RHNO1: variants seen among roughly 807,000 people sequenced by gnomAD.
RHNO1 encodes the protein RAD9, HUS1, RAD1-interacting nuclear orphan protein 1.
RHNO1 carries 9 observed loss-of-function variants against 7.2 expected under a neutral mutation model. The observed-to-expected ratio is 1.25, with a 90% CI of 0.75 to 2.18. RHNO1 has a LOEUF of 2.18. Ranked by LOEUF, RHNO1 falls within the 30% of genes most tolerant of loss-of-function variation. RHNO1 has a pLI of 0.00. For synonymous variants in RHNO1, 95 were observed against 107.5 expected (o/e 0.88, Z 0.72); for missense variants, 292 against 284.5 (o/e 1.03, Z -0.19).
rs1565491424 is a variant in RHNO1, at chr12:2,888,313, A to G, written c.571A>G (p.Ser191Gly). 6.2e-7 allele frequency: 1 copy of G among 1,614,162 alleles called. No individual in the cohort carries two copies. ...CACTCTTCACACTGGCACTCCTAATAGCCCAGAGCCTGGACCTGTTCTGGT... is the reference window on the plus strand; with the variant it reads ...CACTCTTCACACTGGCACTCCTAATGGCCCAGAGCCTGGACCTGTTCTGGT... The part of the protein sequence containing the change: ...SCTLHTGTPN[S>G]PEPGPVLVKD... The change falls in exon 3 of 3, where the codon AGC becomes GGC. Residue 191 changes from serine to glycine, a missense_variant. Coordinates refer to ENST00000489288, the MANE Select transcript of RHNO1 (RefSeq NM_001252499.3).
Position 2,889,314 on chromosome 12 carries a change from T to C in RHNO1, c.*855T>C, listed in dbSNP as rs2098169452. The stretch of plus-strand genomic sequence containing the variant: ...TCTTTAGGATTGCGTGTGTTTTGAG[T>C]TTTTGTTTCTAACTGAAGAAATCTG... On this transcript the variant is annotated 3_prime_UTR_variant, in exon 3 of 3. Coordinates refer to ENST00000489288, the MANE Select transcript of RHNO1 (RefSeq NM_001252499.3). The C allele has an allele frequency of 1.3e-5, 2 of 152,146 alleles. No homozygotes were observed. Among genetic ancestry groups the C allele is most frequent in the Admixed American group, 6.6e-5 (1 of 15,260 alleles). The allele number at this position is 152,146 out of a possible 1,614,324, so 9.4% of individuals were successfully genotyped here. A position where few individuals can be genotyped will look rare whatever the true frequency, so the allele number is the denominator to read the frequency against.
chr12:2,885,328 G>A lies in RHNO1; in HGVS notation c.-39G>A. ...CTATCCCCCAACCCGAAGGCTAACA[G>A]CATCATGTGGTTACTAACTGTTCCT... On this transcript the variant is annotated 5_prime_UTR_variant, in exon 2 of 3. Coordinates refer to ENST00000489288, the MANE Select transcript of RHNO1 (RefSeq NM_001252499.3). 2 of 1,584,620 alleles carry A rather than the reference G, an allele frequency of 1.3e-6. No homozygotes were observed. The highest frequency in any genetic ancestry group is 1.7e-6 in the Non-Finnish European group (2 of 1,163,586).
At chr12:2,878,518 A>G (rs1307301238) in intron 1 of RHNO1, among the ~76,000 whole-genome samples, 1 of 152,044 alleles carries the variant, frequency 6.6e-6, no homozygotes, top group Non-Finnish European at 1.5e-5. Flanking sequence ...GTGCTTATCC[A>G]AGAATTAAAG....
intron 1 of RHNO1, among the ~76,000 whole-genome samples, chr12:2,877,612 CG>C (rs144998829): frequency 0.019 from 2,868 of 152,262 alleles, 88 homozygotes; most frequent in African/African-American, 0.065. Context: ...TTGAGGGCTG[CG>C]TATTATCTCC....
Position 2,888,421 on chromosome 12 carries a change from G to C in RHNO1, c.679G>C (p.Gly227Arg). Reference sequence around the variant, plus strand: ...CCTGCTTGCTTACCTCAGGGAGAGAGGGAAGCTGAGCAGAAGCCAATTCCT... The same window carrying C: ...CCTGCTTGCTTACCTCAGGGAGAGACGGAAGCTGAGCAGAAGCCAATTCCT... The part of the protein sequence containing the change: ...QHLLAYLRER[G>R]KLSRSQFLVK... Residue 227 changes from glycine (G) to arginine (R), a missense_variant, in exon 3 of 3, where the codon GGG (glycine) becomes CGG (arginine). Coordinates refer to ENST00000489288, the MANE Select transcript of RHNO1 (RefSeq NM_001252499.3). 6.2e-7 allele frequency: 1 copy of C among 1,602,946 alleles called. No homozygotes were observed. The highest frequency in any genetic ancestry group is 8.5e-7 in the Non-Finnish European group (1 of 1,175,662).
At position 2,888,406 on chromosome 12, in the gene RHNO1, T is replaced by C. The variant is rs1452440517; in HGVS notation, c.664T>C (p.Tyr222His). Residue 222 changes from tyrosine to histidine, a missense_variant, in exon 3 of 3, where the codon TAC (tyrosine) becomes CAC (histidine). Coordinates refer to ENST00000489288, the MANE Select transcript of RHNO1 (RefSeq NM_001252499.3). ...GAGGAGACGACAGCACCTGCTTGCTTACCTCAGGGAGAGAGGGAAGCTGAG... is the reference window on the plus strand; with the variant it reads ...GAGGAGACGACAGCACCTGCTTGCTCACCTCAGGGAGAGAGGGAAGCTGAG... ...TWRRRQHLLA[Y>H]LRERGKLSRS... The C allele has an allele frequency of 1.9e-6, 3 of 1,611,088 alleles. No homozygotes were observed. The highest frequency in any genetic ancestry group is 1.1e-5 in the South Asian group (1 of 90,778).
intron 1 of RHNO1, among the ~76,000 whole-genome samples, chr12:2,884,687 C>T (rs1479738640): frequency 2.6e-5 from 4 of 151,490 alleles, no homozygotes; most frequent in Non-Finnish European, 4.4e-5. Context: ...TTTTTTTAAC[C>T]TCAGCCTGAC....
At chr12:2,883,078 A>AAAAACAAAAAC (rs1565487870) in intron 1 of RHNO1, among the ~76,000 whole-genome samples, 2 of 150,336 alleles carry the variant, frequency 1.3e-5, no homozygotes, top group African/African-American at 5.0e-5. Context: ...AAAAAAAAAA[A>AAAAACAAAAAC]AAAAAAACAC....
chr12:2,884,976 C>T (rs544330894), intron 1 of RHNO1, among the ~76,000 whole-genome samples: 2 of 152,304 alleles, frequency 1.3e-5, no homozygotes, highest in East Asian at 1.9e-4. Flanking sequence ...GCTAGACTTT[C>T]AGCTCCTCGA....
At chr12:2,885,049 T>C in intron 1 of RHNO1, 1 of 274,322 alleles carries the variant, frequency 3.6e-6, no homozygotes, top group Non-Finnish European at 6.8e-6. Context: ...GTTGAATAAA[T>C]GGTTATTCAT....
Position 2,889,502 on chromosome 12 carries a change from T to G in RHNO1, c.*1043T>G, listed in dbSNP as rs2098169658. ...TTTACTCAGACAAGTAGCATCTCAT[T>G]AAACCCATTCATTTAGCATTCATTC... On this transcript the variant is annotated 3_prime_UTR_variant, in exon 3 of 3. Transcript: ENST00000489288. 1 of 152,168 alleles carries G rather than the reference T, an allele frequency of 6.6e-6. No individual in the cohort carries two copies. Among genetic ancestry groups the G allele is most frequent in the Non-Finnish European group, 1.5e-5 (1 of 68,042 alleles). 9.4% of individuals were successfully genotyped at this position (152,168 alleles called of 1,614,324 possible).
chr12:2,888,303 C>T lies in RHNO1; in HGVS notation c.561C>T (p.Gly187=), dbSNP rs781494311. The T allele has an allele frequency of 1.9e-6, 3 of 1,614,106 alleles. No homozygotes were observed. The highest frequency in any genetic ancestry group is 2.2e-5 in the South Asian group (2 of 91,074). ...TTCTAAGCTGCACTCTTCACACTGG[C>T]ACTCCTAATAGCCCAGAGCCTGGAC... ...NSLLSCTLHT[G]TPNSPEPGPV... The change falls in exon 3 of 3, where the codon GGC becomes GGT. Residue 187 remains glycine, a synonymous_variant. Coordinates refer to ENST00000489288, the MANE Select transcript of RHNO1 (RefSeq NM_001252499.3).
chr12:2,888,102 A>T lies in RHNO1; in HGVS notation c.360A>T (p.Glu120Asp). 6.2e-7 allele frequency: 1 copy of T among 1,614,022 alleles called. No individual in the cohort carries two copies. Among genetic ancestry groups the T allele is most frequent in the Non-Finnish European group, 8.5e-7 (1 of 1,179,968 alleles). ...PLIRECPSES[E>D]KDVSRRPLVP... ...TCCGAGAGTGCCCCAGTGAATCAGAAAAGGATGTTTCCAGAAGACCCTTAG... is the reference window on the plus strand; with the variant it reads ...TCCGAGAGTGCCCCAGTGAATCAGATAAGGATGTTTCCAGAAGACCCTTAG... Residue 120 changes from glutamate (E) to aspartate (D), a missense_variant, in exon 3 of 3, where the codon GAA becomes GAT. Transcript: ENST00000489288.
At chr12:2,886,493 A>C in intron 2 of RHNO1, among the ~76,000 whole-genome samples, 1 of 151,986 alleles carries the variant, frequency 6.6e-6, no homozygotes, top group Non-Finnish European at 1.5e-5. Context: ...TTTACTAAAA[A>C]TATTAATAGA....
intron 2 of RHNO1, chr12:2,885,806 A>C (rs1044225219): frequency 3.8e-6 from 1 of 260,322 alleles, no homozygotes; most frequent in Non-Finnish European, 7.4e-6. Flanking sequence ...CTATCTCCTG[A>C]CCTCGTGATC....
chr12:2,880,651 T>C (rs1022733729), intron 1 of RHNO1, among the ~76,000 whole-genome samples: 9 of 151,998 alleles, frequency 5.9e-5, no homozygotes, highest in Non-Finnish European at 1.3e-4. Context: ...ATTTATTTAT[T>C]TTGAGATAGG....
Position 2,885,464 on chromosome 12 carries a change from C to T in RHNO1, c.98C>T (p.Thr33Ile), listed in dbSNP as rs766990128. The T allele has an allele frequency of 6.2e-7, 1 of 1,613,762 alleles. No homozygotes were observed. The highest frequency in any genetic ancestry group is 1.3e-5 in the African/African-American group (1 of 74,954). ...GGCCCCAAACACAGCTGTGCATCTA[C>T]ACAGCTTCCCATCACTCACACTCGA... Reference protein sequence around the residue: ...LEGPKHSCASTQLPITHTRQV... With the variant: ...LEGPKHSCASIQLPITHTRQV... Residue 33 changes from threonine to isoleucine, a missense_variant, in exon 2 of 3, where the codon ACA becomes ATA. Coordinates refer to ENST00000489288, the MANE Select transcript of RHNO1 (RefSeq NM_001252499.3).
chr12:2,888,400 C>G lies in RHNO1; in HGVS notation c.658C>G (p.Leu220Val). The change falls in exon 3 of 3, where the codon CTT becomes GTT. Residue 220 changes from leucine to valine, a missense_variant. Leu to Val is a conservative substitution (Grantham distance 32). Transcript: ENST00000489288. ...CACATGGAGGAGACGACAGCACCTG[C>G]TTGCTTACCTCAGGGAGAGAGGGAA... Reference protein sequence around the residue: ...KVTWRRRQHLLAYLRERGKLS... With the variant: ...KVTWRRRQHLVAYLRERGKLS... 6.2e-7 allele frequency: 1 copy of G among 1,611,694 alleles called. No homozygotes were observed.
chr12:2,888,710 A>G lies in RHNO1; in HGVS notation c.*251A>G. On this transcript the variant is annotated 3_prime_UTR_variant, in exon 3 of 3. Coordinates refer to ENST00000489288, the MANE Select transcript of RHNO1 (RefSeq NM_001252499.3). ...GCCTGGCTAATTTTTTTGTATTTTTAGTAGAGATGTGGTTTCTCCATGTTG... is the reference window on the plus strand; with the variant it reads ...GCCTGGCTAATTTTTTTGTATTTTTGGTAGAGATGTGGTTTCTCCATGTTG... The G allele has an allele frequency of 3.0e-6, 1 of 334,802 alleles. No individual in the cohort carries two copies. The highest frequency in any genetic ancestry group is 7.6e-5 in the South Asian group (1 of 13,198). The allele number at this position is 334,802 out of a possible 1,614,324, so 20.7% of individuals were successfully genotyped here. A position where few individuals can be genotyped will look rare whatever the true frequency, so the allele number is the denominator to read the frequency against.
Sources: allele counts gnomAD v4.1 joint callset (sites outside exome capture counted in the v4.1 genomes callset), GRCh38; gene constraint gnomAD v4.1.1; transcripts MANE v1.5; gene names NCBI Gene and HGNC (gene_info 2026-07-23, HGNC 2026-07-21).